Variants in DBNDD1 observed in about 807,000 individuals in gnomAD.
DBNDD1 encodes dysbindin domain-containing protein 1.
DBNDD1 carries 14 observed loss-of-function variants against 17.0 expected under a neutral mutation model. The observed-to-expected ratio is 0.82, with a 90% confidence interval of 0.54 to 1.29. The LOEUF (loss-of-function observed/expected upper bound fraction) is 1.29. Among genes scored for constraint, DBNDD1 ranks in the 50% most tolerant of loss-of-function variants. The pLI, the probability that DBNDD1 is intolerant of heterozygous loss-of-function variation, is 0.00. For missense variants in DBNDD1, 221 were observed against 216.2 expected, an observed-to-expected ratio of 1.02 and a Z score of -0.14; for synonymous variants, 105 against 102.0, an observed-to-expected ratio of 1.03 and a Z score of -0.18.
chr16:90,006,665 C>T (rs1191994067), intron 3 of DBNDD1, 173 bp from the exon 4 acceptor site: 4 of 841,482 alleles, frequency 4.8e-6, no homozygotes, highest in African/African-American at 1.7e-5. Flanking sequence ...ACACACTGGC[C>T]CCACCAGAGA....
intron 1 of DBNDD1, among the ~76,000 whole-genome samples, chr16:90,011,103 C>T (rs1336410434): frequency 1.3e-5 from 2 of 152,256 alleles, no homozygotes; most frequent in African/African-American, 4.8e-5. Context: ...CCGTTGCTGC[C>T]AGCAGCACCC....
At chr16:90,012,803 T>C (rs565475619) in intron 1 of DBNDD1, among the ~76,000 whole-genome samples, 1 of 152,110 alleles carries the variant, frequency 6.6e-6, no homozygotes, top group East Asian at 1.9e-4. Context: ...CAGGCTGGAG[T>C]GCAGTGGTAA....
chr16:90,009,766 C>T (rs561316072), intron 1 of DBNDD1: 10 of 671,496 alleles, frequency 1.5e-5, no homozygotes, highest in East Asian at 1.1e-4. Context: ...ATTCCAGTGC[C>T]GTCCTGGCCT....
At position 90,006,178 on chromosome 16, in the gene DBNDD1, C is replaced by A. The variant is rs773470207; in HGVS notation, c.*157G>T. The A allele has an allele frequency of 4.6e-6, 5 of 1,089,296 alleles. No homozygotes were observed. Among genetic ancestry groups the A allele is most frequent in the Non-Finnish European group, 6.4e-6 (5 of 782,072 alleles). 67.5% of individuals were successfully genotyped at this position (1,089,296 alleles called of 1,614,324 possible). A position where few individuals can be genotyped will look rare whatever the true frequency, so the allele number is the denominator to read the frequency against. On this transcript the variant is annotated 3_prime_UTR_variant, in exon 4 of 4. Transcript: ENST00000002501. ...CCCGTGCCCAGCAGACAAGGCCGGTCTCGGGGCTGGCAGAGAGCTGCCCCC... is the reference window on the plus strand; with the variant it reads ...CCCGTGCCCAGCAGACAAGGCCGGTATCGGGGCTGGCAGAGAGCTGCCCCC...
rs376580489 is a variant in DBNDD1, at chr16:90,016,732, C to T, written c.31+2579G>A. Among the ~76,000 whole-genome samples, 5 of 152,314 alleles carry T rather than the reference C, an allele frequency of 3.3e-5. No individual in the cohort carries two copies. In the East Asian group the frequency reaches 9.6e-4, roughly 29 times the overall value. On this transcript the variant is annotated intron_variant, in intron 1 of 3. Transcript: ENST00000002501. ...GCTGACCTATTTTCCAGCACATTCT[C>T]GACTGGGAAACTTGGCCCAAATCCT...
At chr16:90,011,459 G>T (rs2035553878) in intron 1 of DBNDD1, 1 of 345,198 alleles carries the variant, frequency 2.9e-6, no homozygotes. Context: ...GAGCTGGGCA[G>T]TGTGGTTGTG....
chr16:90,009,166 A>C, intron 2 of DBNDD1, 118 bp downstream of exon 2: 1 of 1,447,258 alleles, frequency 6.9e-7, no homozygotes, highest in Non-Finnish European at 9.2e-7. Context: ...CCTAGCACAC[A>C]GCGCCGGACC....
At chr16:90,017,250 C>T (rs899309245) in intron 1 of DBNDD1, among the ~76,000 whole-genome samples, 3 of 152,346 alleles carry the variant, frequency 2.0e-5, no homozygotes, top group Middle Eastern at 3.4e-3. Context: ...AATCCCAGCA[C>T]TTTGGGAGGC....
Position 90,005,603 on chromosome 16 carries a change from C to T in DBNDD1, c.*732G>A, listed in dbSNP as rs1408535767. 6.6e-6 allele frequency: 1 copy of T among 152,258 alleles called. No individual in the cohort carries two copies. Among genetic ancestry groups the T allele is most frequent in the East Asian group, 1.9e-4 (1 of 5,200 alleles). The allele number at this position is 152,258 out of a possible 1,614,324, so 9.4% of individuals were successfully genotyped here. On this transcript the variant is annotated 3_prime_UTR_variant, in exon 4 of 4. Coordinates refer to ENST00000002501, the MANE Select transcript of DBNDD1 (RefSeq NM_001042610.3). ...ACCCCGAGAGCATTCCGGGAGGTGTCATCAAGTCTCTTAGGCAGTCTGGTG... is the reference window on the plus strand; with the variant it reads ...ACCCCGAGAGCATTCCGGGAGGTGTTATCAAGTCTCTTAGGCAGTCTGGTG...
upstream of DBNDD1, chr16:90,019,727 C>T: frequency 3.1e-6 from 2 of 654,040 alleles, no homozygotes; most frequent in Non-Finnish European, 2.7e-6. The surrounding 1 kb of genome is among the most constrained non-coding windows in gnomAD (Gnocchi z 6.1). Context: ...TGCGCACTCA[C>T]TTGGCGGCCG....
intron 1 of DBNDD1, among the ~76,000 whole-genome samples, chr16:90,017,976 G>C (rs541185557): frequency 7.2e-5 from 11 of 152,334 alleles, no homozygotes; most frequent in African/African-American, 2.6e-4. Flanking sequence ...TGCCTTTTAA[G>C]CTGCTGGGAA....
At chr16:90,012,310 C>T (rs766609740) in intron 1 of DBNDD1, among the ~76,000 whole-genome samples, 3 of 152,176 alleles carry the variant, frequency 2.0e-5, no homozygotes, top group East Asian at 1.9e-4. Context: ...AGGAAGGCTA[C>T]AGGGGCTCTT....
In DBNDD1 at chr16:90,019,265, C is replaced by G. The variant is rs1597588360; in HGVS notation, c.31+46G>C. 1.8e-6 allele frequency: 2 copies of G among 1,083,344 alleles called. No homozygotes were observed. The highest frequency in any genetic ancestry group is 1.6e-5 in the African/African-American group (1 of 61,142). The allele number at this position is 1,083,344 out of a possible 1,614,324, so 67.1% of individuals were successfully genotyped here. On this transcript the variant is annotated intron_variant, in intron 1 of 3. Coordinates refer to ENST00000002501, the MANE Select transcript of DBNDD1 (RefSeq NM_001042610.3). The surrounding 1 kb of genome is among the most constrained non-coding windows in gnomAD (Gnocchi z 6.1). ...TGGGGGGAGGGGCTGCGGCTCGCTG[C>G]GGGGAAGCGCTGCGCGGGGGTCTCG...
In DBNDD1 at chr16:90,014,138, T is replaced by A. The variant is rs184420673; in HGVS notation, c.32-4708A>T. ...TTTTTAAATTATTATTATTATTATT[T>A]TTTTTTTGAGATGGAGTCTCGCTCT... is the stretch of plus-strand genomic sequence containing the variant. On this transcript the variant is annotated intron_variant, in intron 1 of 3. Transcript: ENST00000002501. Among the ~76,000 whole-genome samples, 738 of 151,860 alleles carry A rather than the reference T, an allele frequency of 4.9e-3. 2 individuals carry two copies. Among genetic ancestry groups the A allele is most frequent in the African/African-American group, 0.015 (606 of 41,488 alleles).
chr16:90,019,300 G>T lies in DBNDD1; in HGVS notation c.31+11C>A. 8.2e-7 allele frequency: 1 copy of T among 1,217,606 alleles called. No individual in the cohort carries two copies. Among genetic ancestry groups the T allele is most frequent in the Non-Finnish European group, 1.0e-6 (1 of 977,586 alleles). 75.4% of individuals were successfully genotyped at this position (1,217,606 alleles called of 1,614,324 possible). On this transcript the variant is annotated intron_variant, in intron 1 of 3. Transcript: ENST00000002501. The surrounding 1 kb of genome is among the most constrained non-coding windows in gnomAD (Gnocchi z 6.1). ...CTGCGCGGGGGTCTCGGGGGCTGGG[G>T]CTGAACTCACCTCCGGTGCCGGCGC... is the stretch of plus-strand genomic sequence containing the variant.
At chr16:90,015,177 GTC>G (rs896816865) in intron 1 of DBNDD1, among the ~76,000 whole-genome samples, 1 of 152,122 alleles carries the variant, frequency 6.6e-6, no homozygotes, top group African/African-American at 2.4e-5. Flanking sequence ...ATTCTGTAAA[GTC>G]TGGTGCCGTG....
intron 1 of DBNDD1, chr16:90,011,493 G>A (rs1048435522): frequency 2.6e-5 from 9 of 349,460 alleles, no homozygotes; most frequent in Non-Finnish European, 4.6e-5. Context: ...GCAGCGAGCC[G>A]AGTGTTAGGC....
At chr16:90,018,238 AT>A (rs1406066137) in intron 1 of DBNDD1, among the ~76,000 whole-genome samples, 1 of 152,232 alleles carries the variant, frequency 6.6e-6, no homozygotes, top group African/African-American at 2.4e-5. Context: ...GCCTGGGACT[AT>A]CAGTGTTAAG....
chr16:90,011,394 C>T (rs766777812), intron 1 of DBNDD1, among the ~76,000 whole-genome samples: 40 of 152,222 alleles, frequency 2.6e-4, no homozygotes, highest in Non-Finnish European at 1.6e-4. Flanking sequence ...CGCAGGTGCC[C>T]GGCCTCCTGA....
Sources: allele counts gnomAD v4.1 joint callset (sites outside exome capture counted in the v4.1 genomes callset), GRCh38; gene constraint gnomAD v4.1.1; non-coding constraint Gnocchi (gnomAD v3.1); transcripts MANE v1.5; gene names NCBI Gene and HGNC (gene_info 2026-07-23, HGNC 2026-07-21).